The following DOCK3 variants were observed in gnomAD, a reference collection of about 807,000 sequenced individuals.
The protein encoded by DOCK3 is dedicator of cytokinesis 3.
A neutral mutation model predicts 265.6 loss-of-function variants in DOCK3; 60 were observed. The ratio of observed to expected loss-of-function variants is 0.23; its 90% CI spans 0.18 to 0.28. DOCK3 has a LOEUF of 0.28. Among genes scored for constraint, DOCK3 ranks in the 10% least tolerant of loss-of-function variants. DOCK3 has a pLI of 1.00. For synonymous variants in DOCK3, 881 were observed against 938.0 expected, an observed-to-expected ratio of 0.94 and a Z score of 1.11; for missense variants, 1,981 against 2,594.3, an observed-to-expected ratio of 0.76 and a Z score of 5.14.
intron 38 of DOCK3, among the ~76,000 whole-genome samples, chr3:51,348,553 G>GA (rs1343203292): frequency 1.3e-5 from 2 of 152,170 alleles, no homozygotes; most frequent in Admixed American, 1.3e-4. Context: ...TTTAAATTAA[G>GA]ATAACTTCAT....
chr3:51,037,154 T>C (rs2080301238), intron 5 of DOCK3, among the ~76,000 whole-genome samples: 3 of 152,012 alleles, frequency 2.0e-5, no homozygotes, highest in African/African-American at 4.8e-5. Context: ...TAGAGCAGAG[T>C]ATGTAAATAA....
intron 13 of DOCK3, among the ~76,000 whole-genome samples, chr3:51,209,847 A>G (rs2089410974): frequency 6.6e-6 from 1 of 152,238 alleles, no homozygotes; most frequent in African/African-American, 2.4e-5. Flanking sequence ...TGATTCCTCT[A>G]AAACCCTAGT....
chr3:51,278,229 A>T (rs2080918840), intron 26 of DOCK3: 1 of 985,216 alleles, frequency 1.0e-6, no homozygotes, highest in Non-Finnish European at 1.2e-6. Context: ...ATTTGGAAAA[A>T]TATGATGAGG....
intron 1 of DOCK3, among the ~76,000 whole-genome samples, chr3:50,739,083 AT>A (rs2038838500): frequency 6.6e-6 from 1 of 152,028 alleles, no homozygotes; most frequent in Admixed American, 6.6e-5. Flanking sequence ...GGTTATTTAG[AT>A]TTAGGTATAA....
intron 3 of DOCK3, among the ~76,000 whole-genome samples, chr3:50,884,567 CTT>C (rs2048232917): frequency 1.3e-5 from 2 of 152,048 alleles, no homozygotes; most frequent in African/African-American, 4.8e-5. Context: ...TTGTTTCTCT[CTT>C]GTCAATTTTT....
chr3:50,949,741 T>C (rs2076539777), intron 5 of DOCK3, among the ~76,000 whole-genome samples: 1 of 152,156 alleles, frequency 6.6e-6, no homozygotes, highest in South Asian at 2.1e-4. Context: ...ACCCAAGTTT[T>C]TAGTGGTAAA....
At chr3:51,248,955 G>A (rs1286153155) in intron 22 of DOCK3, among the ~76,000 whole-genome samples, 9 of 145,550 alleles carry the variant, frequency 6.2e-5, no homozygotes, top group South Asian at 4.4e-4. Flanking sequence ...CCCTCCGCCC[G>A]GCAGCCGCCC....
At chr3:50,711,238 A>G (rs2036744375) in intron 1 of DOCK3, among the ~76,000 whole-genome samples, 1 of 150,890 alleles carries the variant, frequency 6.6e-6, no homozygotes, top group Non-Finnish European at 1.5e-5. Flanking sequence ...CTGGAATAAA[A>G]ATCCTACTTG....
chr3:50,932,500 A>G (rs1158254008), intron 4 of DOCK3, among the ~76,000 whole-genome samples: 1 of 152,166 alleles, frequency 6.6e-6, no homozygotes, highest in African/African-American at 2.4e-5. Flanking sequence ...TTGACCCTCA[A>G]CATTGGTGTG....
intron 5 of DOCK3, among the ~76,000 whole-genome samples, chr3:50,991,745 A>G (rs2078112404): frequency 6.6e-6 from 1 of 152,154 alleles, no homozygotes; most frequent in African/African-American, 2.4e-5. Context: ...TGCATCTGAT[A>G]TACCTTTACG....
At chr3:51,309,625 GAGAGC>G (rs1362363905) in intron 27 of DOCK3, among the ~76,000 whole-genome samples, 42 of 1,852 alleles carry the variant, frequency 0.023, no homozygotes, top group African/African-American at 0.14. Flanking sequence ...GAGGGAGAGC[GAGAGC>G]GAGAGCGAGA....
At chr3:50,804,222 G>A (rs1297293409) in intron 2 of DOCK3, among the ~76,000 whole-genome samples, 1 of 151,906 alleles carries the variant, frequency 6.6e-6, no homozygotes, top group Non-Finnish European at 1.5e-5. Flanking sequence ...AGATAGGATG[G>A]CGGCCGGGAA....
intron 28 of DOCK3, among the ~76,000 whole-genome samples, chr3:51,311,651 C>T (rs990661851): frequency 1.3e-5 from 2 of 152,174 alleles, no homozygotes; most frequent in African/African-American, 4.8e-5. Context: ...ACTAGAACTA[C>T]TCTGAACTGG....
At chr3:50,773,560 A>G (rs2041410833) in intron 1 of DOCK3, among the ~76,000 whole-genome samples, 1 of 152,148 alleles carries the variant, frequency 6.6e-6, no homozygotes. Context: ...TGAGTGCTCC[A>G]GAGATTGAAA....
intron 1 of DOCK3, among the ~76,000 whole-genome samples, chr3:50,713,942 CT>C (rs1267654501): frequency 1.3e-5 from 2 of 152,104 alleles, no homozygotes; most frequent in Non-Finnish European, 2.9e-5. Context: ...ACCATTATCT[CT>C]TTTTGGACTG....
intron 3 of DOCK3, among the ~76,000 whole-genome samples, chr3:50,882,053 G>T (rs915451234): frequency 6.6e-6 from 1 of 152,122 alleles, no homozygotes; most frequent in African/African-American, 2.4e-5. Context: ...TCGGAAAACT[G>T]GCTAGCCATA....
chr3:51,177,805 A>G (rs2087039484), intron 12 of DOCK3, among the ~76,000 whole-genome samples: 1 of 152,184 alleles, frequency 6.6e-6, no homozygotes, highest in Non-Finnish European at 1.5e-5. Context: ...AGCCTGGCCA[A>G]CATGGTGAAA....
At chr3:50,920,444 C>G (rs1308042467) in intron 4 of DOCK3, among the ~76,000 whole-genome samples, 3 of 152,236 alleles carry the variant, frequency 2.0e-5, no homozygotes, top group African/African-American at 4.8e-5. Context: ...TTGGTCTATT[C>G]AGGGATTCAC....
intron 5 of DOCK3, among the ~76,000 whole-genome samples, chr3:50,949,608 G>A (rs1214844145): frequency 6.6e-6 from 1 of 151,922 alleles, no homozygotes; most frequent in South Asian, 2.1e-4. Context: ...AAGCTCTCTA[G>A]GATTGTGTTT....
Sources: allele counts gnomAD v4.1 joint callset (sites outside exome capture counted in the v4.1 genomes callset), GRCh38; gene constraint gnomAD v4.1.1; transcripts MANE v1.5; gene names NCBI Gene and HGNC (gene_info 2026-07-23, HGNC 2026-07-21).